AZIN1: variants seen among roughly 807,000 people sequenced by gnomAD.
AZIN1 encodes the protein antizyme inhibitor 1.
AZIN1 carries 12 observed loss-of-function variants against 47.4 expected under a neutral mutation model. The observed-to-expected ratio is 0.25, with a 90% CI of 0.16 to 0.41. The LOEUF is 0.41. Ranked by LOEUF, AZIN1 falls within the 10% of genes least tolerant of loss-of-function variation. The probability of loss-of-function intolerance (pLI) is 1.00; values close to 1 mark genes in which losing one functional copy is unlikely to be tolerated. For missense variants in AZIN1, 410 were observed against 532.4 expected (o/e 0.77, Z 2.26); for synonymous variants, 155 against 176.3 (o/e 0.88, Z 0.96).
intron 1 of AZIN1, chr8:102,859,026 T>C (rs74539505): frequency 6.6e-6 from 1 of 152,302 alleles, no homozygotes; most frequent in African/African-American, 2.4e-5. Flanking sequence ...CCAGAAATTA[T>C]AAAGTCAAGA....
chr8:102,852,025 C>G (rs1812947981), intron 2 of AZIN1, among the ~76,000 whole-genome samples: 1 of 152,118 alleles, frequency 6.6e-6, no homozygotes, highest in Non-Finnish European at 1.5e-5. Flanking sequence ...TCTGAAGGAG[C>G]TCTTCATGAA....
At chr8:102,861,181 T>C (rs1421601391) in intron 1 of AZIN1, among the ~76,000 whole-genome samples, 1 of 152,226 alleles carries the variant, frequency 6.6e-6, no homozygotes, top group African/African-American at 2.4e-5. Context: ...CTTTGTGACT[T>C]TGCTGCGCAA....
rs1220694760 is a variant in AZIN1 at position 102,829,277 on chromosome 8, A to G, written c.1230T>C (p.Ser410=). 2.5e-6 allele frequency: 4 copies of G among 1,611,298 alleles called. No homozygotes were observed. The East Asian group carries it at 8.9e-5, about 36-fold the overall frequency. ...RPAIYYMMSF[S]DWYEMQDAGI... ...TTAAAATAAAATCACCTTACCAATCACTGAATGACATCATGTAATAAATGG... is the reference window on the plus strand; with the variant it reads ...TTAAAATAAAATCACCTTACCAATCGCTGAATGACATCATGTAATAAATGG... Residue 410 remains serine, a synonymous_variant, in exon 11 of 12, where the codon AGT becomes AGC. Transcript: ENST00000337198.
chr8:102,854,626 A>ATATATT (rs748560222), intron 2 of AZIN1: 5 of 136,698 alleles, frequency 3.7e-5, no homozygotes, highest in Non-Finnish European at 7.7e-5. Flanking sequence ...ATATATATAT[A>ATATATT]TTTTTTTTCC....
chr8:102,836,990 C>G (rs991562016), intron 5 of AZIN1, among the ~76,000 whole-genome samples: 1 of 152,138 alleles, frequency 6.6e-6, no homozygotes, highest in Admixed American at 6.6e-5. Context: ...CTGCAACCTC[C>G]GCCTCATGAG....
intron 2 of AZIN1, among the ~76,000 whole-genome samples, chr8:102,852,905 GA>G (rs1813008748): frequency 6.6e-6 from 1 of 152,182 alleles, no homozygotes; most frequent in Non-Finnish European, 1.5e-5. Flanking sequence ...CTTCAACTTG[GA>G]AGAGTCTCCT....
chr8:102,830,349 C>G (rs542428329), intron 9 of AZIN1: 1 of 150,610 alleles, frequency 6.6e-6, no homozygotes, highest in East Asian at 1.9e-4. Flanking sequence ...AGACAGTGAG[C>G]CAAGGCTGTG....
intron 1 of AZIN1, among the ~76,000 whole-genome samples, 154 bp downstream of exon 1, chr8:102,863,653 A>C (rs1813910257): frequency 6.7e-6 from 1 of 149,034 alleles, no homozygotes; most frequent in Non-Finnish European, 1.5e-5. Flanking sequence ...CGCCGGGGGC[A>C]CAGACAGCCG....
chr8:102,845,719 C>A (rs935504103), intron 2 of AZIN1, among the ~76,000 whole-genome samples: 2 of 152,070 alleles, frequency 1.3e-5, no homozygotes, highest in South Asian at 4.1e-4. Flanking sequence ...ACATCACTAA[C>A]CTTTTTGGCA....
chr8:102,826,401 G>A lies in AZIN1; in HGVS notation c.*2166C>T, dbSNP rs1811114574. 6.6e-6 allele frequency: 1 copy of A among 152,528 alleles called. No homozygotes were observed. Among genetic ancestry groups the A allele is most frequent in the African/African-American group, 2.4e-5 (1 of 41,392 alleles). 9.4% of individuals were successfully genotyped at this position (152,528 alleles called of 1,614,324 possible). On this transcript the variant is annotated 3_prime_UTR_variant, in exon 12 of 12. Transcript: ENST00000337198. Reference sequence around the variant, plus strand: ...TCTATGTATTCAGAATCACACACAAGTTACCTTTACAGTTCAATTTACTAT... The same window carrying A: ...TCTATGTATTCAGAATCACACACAAATTACCTTTACAGTTCAATTTACTAT...
intron 9 of AZIN1, among the ~76,000 whole-genome samples, chr8:102,830,650 CAA>C (rs891178954): frequency 4.3e-5 from 5 of 116,804 alleles, no homozygotes; most frequent in Non-Finnish European, 5.6e-5. Context: ...GTCTCAAAAA[CAA>C]AAAAAAAAAA....
rs373010873 is a variant in AZIN1 at position 102,840,569 on chromosome 8, AT to A, written c.103-747del. 3.7e-3 allele frequency among the ~76,000 whole-genome samples: 564 copies of A among 152,332 alleles called. 2 individuals carry two copies. Among genetic ancestry groups the A allele is most frequent in the Non-Finnish European group, 6.3e-3 (431 of 68,030 alleles). ...CTGCACATGGAGATGTCAAAATTAG[AT>A]TTTAAAAGTACATAAGTCTACCAAA... On this transcript the variant is annotated intron_variant, in intron 3 of 11. Transcript: ENST00000337198.
chr8:102,830,074 A>G (rs1811336801), intron 9 of AZIN1, 138 bp from the exon 10 acceptor site: 1 of 626,382 alleles, frequency 1.6e-6, no homozygotes, highest in African/African-American at 1.9e-5. Context: ...AAGGAAGATA[A>G]CCAATGAGCA....
At chr8:102,840,019 TTCTTA>T (rs1398708237) in intron 3 of AZIN1, among the ~76,000 whole-genome samples, 196 bp from the exon 4 acceptor site, 2 of 152,254 alleles carry the variant, frequency 1.3e-5, no homozygotes. Context: ...TTGTTCTTTC[TTCTTA>T]TATTTGATTA....
At chr8:102,842,649 G>C (rs535056595) in intron 3 of AZIN1, among the ~76,000 whole-genome samples, 2 of 151,156 alleles carry the variant, frequency 1.3e-5, no homozygotes, top group Admixed American at 6.6e-5. Flanking sequence ...GGAGGTTGCA[G>C]TGAGCCGAGA....
intron 3 of AZIN1, among the ~76,000 whole-genome samples, chr8:102,840,410 A>G (rs1218815759): frequency 1.3e-5 from 2 of 152,190 alleles, no homozygotes; most frequent in African/African-American, 4.8e-5. Context: ...TGGTGCAATC[A>G]TAGCTTACTA....
intron 2 of AZIN1, among the ~76,000 whole-genome samples, chr8:102,849,016 A>G (rs994538506): frequency 2.0e-5 from 3 of 152,062 alleles, no homozygotes; most frequent in African/African-American, 4.8e-5. Flanking sequence ...TCAATCTTCA[A>G]CACCACAGGG....
chr8:102,841,848 C>T (rs1400105410), intron 3 of AZIN1, among the ~76,000 whole-genome samples: 11 of 150,052 alleles, frequency 7.3e-5, no homozygotes, highest in Non-Finnish European at 7.4e-5. Flanking sequence ...CGGTGGCTCG[C>T]GCCTGTAATC....
At chr8:102,849,658 T>C (rs1290674411) in intron 2 of AZIN1, among the ~76,000 whole-genome samples, 2 of 152,226 alleles carry the variant, frequency 1.3e-5, no homozygotes, top group Non-Finnish European at 1.5e-5. Flanking sequence ...ACAAGCACTT[T>C]TAAGCTATTT....
Sources: gnomAD v4.1 joint callset for allele counts (sites outside exome capture counted in the v4.1 genomes callset) on GRCh38, gnomAD v4.1.1 for gene constraint, MANE v1.5 for transcripts, NCBI Gene and HGNC (gene_info 2026-07-23, HGNC 2026-07-21) for gene names.